Variants in IL1RAPL1 observed in about 807,000 individuals in gnomAD.
The protein encoded by IL1RAPL1 is interleukin-1 receptor accessory protein-like 1.
A neutral mutation model predicts 48.4 loss-of-function variants in IL1RAPL1; 3 were observed. The ratio of observed to expected loss-of-function variants is 0.06; its 90% CI spans 0.03 to 0.16. The LOEUF (loss-of-function observed/expected upper bound fraction) is 0.16, where lower values mean the gene tolerates loss of function less well. Among genes scored for constraint, IL1RAPL1 ranks in the 10% least tolerant of loss-of-function variants. The pLI is 1.00. For synonymous variants in IL1RAPL1, 185 were observed against 187.7 expected, an observed-to-expected ratio of 0.99 and a Z score of 0.12; for missense variants, 349 against 530.6, an observed-to-expected ratio of 0.66 and a Z score of 3.36.
In IL1RAPL1 at chrX:28,649,796, T is replaced by C. The variant is rs754357549; in HGVS notation, c.-25+61749T>C. Among the ~76,000 whole-genome samples, 36 of 112,011 alleles carry C rather than the reference T, an allele frequency of 3.2e-4. No homozygotes were observed. In the South Asian group the frequency reaches 0.011, roughly 33 times the overall value. The stretch of plus-strand genomic sequence containing the variant: ...ACAGATGAAGGCAGTCCCATCCTGA[T>C]AGGGCTAGGGCTCCTCCAGAGACTG... On this transcript the variant is annotated intron_variant, in intron 1 of 10. Coordinates refer to ENST00000378993, the MANE Select transcript of IL1RAPL1 (RefSeq NM_014271.4).
chrX:28,714,408 C>T, intron 1 of IL1RAPL1, among the ~76,000 whole-genome samples: 1 of 111,567 alleles, frequency 9.0e-6, no homozygotes. Context: ...AAAGTATAGA[C>T]ATATACAATT....
At chrX:29,443,871 G>A (rs780503408) in intron 5 of IL1RAPL1, among the ~76,000 whole-genome samples, 20 of 111,529 alleles carry the variant, frequency 1.8e-4, no homozygotes, top group Non-Finnish European at 3.4e-4. Flanking sequence ...GATGAAAGGG[G>A]TCCCAGAAAC....
chrX:29,616,092 G>T (rs1924277016), intron 5 of IL1RAPL1, among the ~76,000 whole-genome samples: 1 of 111,754 alleles, frequency 8.9e-6, no homozygotes, highest in South Asian at 3.8e-4. Context: ...CAGAGACAGG[G>T]TCCCAAAAGT....
At chrX:29,775,498 G>C (rs1929173956) in intron 6 of IL1RAPL1, among the ~76,000 whole-genome samples, 1 of 111,472 alleles carries the variant, frequency 9.0e-6, no homozygotes, top group South Asian at 3.7e-4. Context: ...CACATTGTAA[G>C]AGCACAGTGT....
intron 2 of IL1RAPL1, among the ~76,000 whole-genome samples, chrX:29,274,686 C>T (rs948824511): frequency 3.6e-5 from 4 of 112,132 alleles, no homozygotes; most frequent in Non-Finnish European, 7.5e-5. Flanking sequence ...CAAGCAATAA[C>T]GTTCTGCTGT....
chrX:29,860,046 T>C (rs1027825594), intron 6 of IL1RAPL1, among the ~76,000 whole-genome samples: 4 of 111,966 alleles, frequency 3.6e-5, no homozygotes, highest in African/African-American at 1.3e-4. Flanking sequence ...TTGAAAAACT[T>C]TGAGTTTTTG....
chrX:28,955,781 A>G (rs1388286688), intron 2 of IL1RAPL1, among the ~76,000 whole-genome samples: 3 of 94,913 alleles, frequency 3.2e-5, no homozygotes, highest in South Asian at 1.0e-3. Flanking sequence ...TTGGTTTCAT[A>G]TGAACTTTAA....
chrX:29,836,574 T>C (rs190015466), intron 6 of IL1RAPL1, among the ~76,000 whole-genome samples: 11 of 112,356 alleles, frequency 9.8e-5, no homozygotes, highest in African/African-American at 2.6e-4. Context: ...TGGGAGCATA[T>C]GGTTTGATTT....
chrX:29,531,742 T>C (rs1202463264), intron 5 of IL1RAPL1, among the ~76,000 whole-genome samples: 2 of 112,251 alleles, frequency 1.8e-5, no homozygotes, highest in Admixed American at 9.4e-5. Context: ...GGGATGATTC[T>C]TCCTTGCCTC....
At chrX:29,523,045 T>C (rs926444202) in intron 5 of IL1RAPL1, among the ~76,000 whole-genome samples, 3 of 111,652 alleles carry the variant, frequency 2.7e-5, no homozygotes, top group African/African-American at 9.8e-5. Flanking sequence ...TCTAAACCAA[T>C]TCTAAATATG....
intron 3 of IL1RAPL1, among the ~76,000 whole-genome samples, chrX:29,360,744 T>C (rs901155341): frequency 8.9e-6 from 1 of 112,038 alleles, no homozygotes; most frequent in African/African-American, 3.2e-5. Context: ...ATATCTGCTT[T>C]TTATCCCAGT....
intron 2 of IL1RAPL1, among the ~76,000 whole-genome samples, chrX:28,901,293 A>C (rs1322018646): frequency 8.9e-6 from 1 of 112,148 alleles, no homozygotes; most frequent in Non-Finnish European, 1.9e-5. Flanking sequence ...AATAAAATTA[A>C]ATTTAACTCC....
chrX:29,317,743 C>T (rs985835813), intron 3 of IL1RAPL1, among the ~76,000 whole-genome samples: 2 of 112,041 alleles, frequency 1.8e-5, no homozygotes, highest in Non-Finnish European at 1.9e-5. Flanking sequence ...GTGGCATTCA[C>T]GTTTGTGTGG....
chrX:29,793,771 A>G (rs541985055), intron 6 of IL1RAPL1, among the ~76,000 whole-genome samples: 1 of 112,326 alleles, frequency 8.9e-6, no homozygotes, highest in South Asian at 3.7e-4. Flanking sequence ...ATTTCAACCA[A>G]ATGCTTTATT....
chrX:29,162,426 A>G (rs770851552), intron 2 of IL1RAPL1, among the ~76,000 whole-genome samples: 1 of 110,957 alleles, frequency 9.0e-6, no homozygotes, highest in South Asian at 3.8e-4. Flanking sequence ...AAGACCATAA[A>G]TATACTTGGT....
intron 2 of IL1RAPL1, among the ~76,000 whole-genome samples, chrX:29,077,129 A>G (rs1927695154): frequency 8.9e-6 from 1 of 112,289 alleles, no homozygotes; most frequent in Admixed American, 9.4e-5. Context: ...CTCGAAGGCC[A>G]TGTTCAGGAA....
At chrX:29,519,404 C>T (rs1050130588) in intron 5 of IL1RAPL1, among the ~76,000 whole-genome samples, 1 of 111,660 alleles carries the variant, frequency 9.0e-6, no homozygotes, top group Admixed American at 9.5e-5. Context: ...GGAGCAGAGC[C>T]CCAGGACAAT....
chrX:28,603,080 A>T (rs1934044643), intron 1 of IL1RAPL1, among the ~76,000 whole-genome samples: 1 of 111,862 alleles, frequency 8.9e-6, no homozygotes, highest in Admixed American at 9.6e-5. Context: ...ACCTGAGGAC[A>T]GTCTCTTAGA....
intron 5 of IL1RAPL1, among the ~76,000 whole-genome samples, chrX:29,584,244 C>T (rs1293190541): frequency 9.0e-6 from 1 of 111,539 alleles, no homozygotes; most frequent in Non-Finnish European, 1.9e-5. Flanking sequence ...AAGGTCATCA[C>T]TACAGCAATT....
Sources: gnomAD v4.1 joint callset for allele counts (sites outside exome capture counted in the v4.1 genomes callset) on GRCh38, gnomAD v4.1.1 for gene constraint, MANE v1.5 for transcripts, NCBI Gene and HGNC (gene_info 2026-07-23, HGNC 2026-07-21) for gene names.